The following TENM1 variants were observed in gnomAD, a reference collection of about 807,000 sequenced individuals.
The protein encoded by TENM1 is teneurin transmembrane protein 1, also known as teneurin-1.
A neutral mutation model predicts 174.8 loss-of-function variants in TENM1; 35 were observed. The ratio of observed to expected loss-of-function variants is 0.20; its 90% CI spans 0.15 to 0.27. The LOEUF is 0.27. TENM1 is among the 10% of genes least tolerant of loss of function. TENM1 has a pLI of 1.00. For missense variants in TENM1, 1,633 were observed against 2,130.1 expected, an observed-to-expected ratio of 0.77 and a Z score of 4.59; for synonymous variants, 781 against 798.7, an observed-to-expected ratio of 0.98 and a Z score of 0.37.
At chrX:124,606,345 T>C in intron 11 of TENM1, among the ~76,000 whole-genome samples, 1 of 111,701 alleles carries the variant, frequency 9.0e-6, no homozygotes, top group Middle Eastern at 4.6e-3. Flanking sequence ...CCTCATAATC[T>C]TAATCCTTTC....
At chrX:125,003,057 C>T in the TENM1 span, among the ~76,000 whole-genome samples, 45 of 112,025 alleles carry the variant, frequency 4.0e-4, no homozygotes, top group African/African-American at 1.3e-3. Context: ...AAGGTTAAAA[C>T]ATGCCCTCAA....
chrX:124,993,366 A>G, the TENM1 span, among the ~76,000 whole-genome samples: 1 of 111,184 alleles, frequency 9.0e-6, no homozygotes, highest in Admixed American at 9.6e-5. Context: ...CAATTGCCGT[A>G]GTCTATATAC....
the TENM1 span, among the ~76,000 whole-genome samples, chrX:124,981,147 C>A: frequency 2.7e-5 from 3 of 111,487 alleles, no homozygotes; most frequent in South Asian, 1.1e-3. Flanking sequence ...CATAGCAGAT[C>A]AGAAAAATAT....
chrX:124,851,886 AAC>A (rs901031407), intron 3 of TENM1, among the ~76,000 whole-genome samples: 3 of 111,367 alleles, frequency 2.7e-5, no homozygotes, highest in African/African-American at 9.8e-5. Flanking sequence ...AAGTTTTTGA[AAC>A]ACAATGTAAA....
At chrX:124,593,207 G>T (rs994478842) in intron 11 of TENM1, among the ~76,000 whole-genome samples, 9 of 111,654 alleles carry the variant, frequency 8.1e-5, no homozygotes, top group African/African-American at 1.3e-4. Flanking sequence ...AATGCCTGGA[G>T]ATCTCCCTGG....
chrX:124,576,200 C>G (rs2148200220), intron 11 of TENM1, among the ~76,000 whole-genome samples: 1 of 110,245 alleles, frequency 9.1e-6, no homozygotes, highest in East Asian at 2.8e-4. Context: ...GCTAAGACTA[C>G]AGGTACACAC....
At chrX:124,781,788 C>T (rs2054918263) in intron 3 of TENM1, among the ~76,000 whole-genome samples, 1 of 111,054 alleles carries the variant, frequency 9.0e-6, no homozygotes, top group Admixed American at 9.6e-5. Flanking sequence ...TATCTGCTCT[C>T]CTGCTTTTAG....
the TENM1 span, among the ~76,000 whole-genome samples, chrX:125,158,097 C>G: frequency 9.0e-6 from 1 of 110,712 alleles, no homozygotes; most frequent in African/African-American, 3.3e-5. Flanking sequence ...AGGTAATAAA[C>G]AAATATATAT....
chrX:124,471,239 A>T lies in TENM1; in HGVS notation c.3949+10493T>A, dbSNP rs867016079. ...TATTATAATATATAGTACTATATAT[A>T]ATATATAATAATATATATTATAATA... On this transcript the variant is annotated intron_variant, in intron 22 of 31. Coordinates refer to ENST00000422452, the Ensembl canonical transcript of TENM1. 2.2e-3 allele frequency among the ~76,000 whole-genome samples: 139 copies of T among 63,862 alleles called. 1 individual carries two copies. Among genetic ancestry groups the T allele is most frequent in the African/African-American group, 5.5e-3 (79 of 14,237 alleles). The allele number at this position is 63,862 out of a possible 115,157, so 55.5% of individuals were successfully genotyped here. A position where few individuals can be genotyped will look rare whatever the true frequency, so the allele number is the denominator to read the frequency against.
At chrX:124,455,553 T>G (rs912106120) in intron 22 of TENM1, among the ~76,000 whole-genome samples, 2 of 111,390 alleles carry the variant, frequency 1.8e-5, no homozygotes, top group Admixed American at 1.9e-4. Context: ...CATAAAGGGA[T>G]AGACTGAAAG....
intron 3 of TENM1, among the ~76,000 whole-genome samples, chrX:124,750,517 T>C (rs1180777197): frequency 8.9e-6 from 1 of 112,107 alleles, no homozygotes; most frequent in African/African-American, 3.2e-5. Flanking sequence ...TAGTCTCTCT[T>C]ATTTTACATT....
rs1378480607 is a variant in TENM1, at chrX:124,809,068, C to T, written c.536-71871G>A. Among the ~76,000 whole-genome samples, 3 of 110,548 alleles carry T rather than the reference C, an allele frequency of 2.7e-5. No homozygotes were observed. The Admixed American group carries it at 2.9e-4, about 11-fold the overall frequency. On this transcript the variant is annotated intron_variant, in intron 3 of 31. Transcript: ENST00000422452. ...TTTTTAAAAGATAAAATCAACGAAC[C>T]TTTAGCTAGACTGAGAGAAGACTCA...
At chrX:124,495,693 C>T (rs1871485675) in intron 20 of TENM1, among the ~76,000 whole-genome samples, 1 of 106,380 alleles carries the variant, frequency 9.4e-6, no homozygotes, top group African/African-American at 3.5e-5. Context: ...AGGAGAACTA[C>T]AAACCACTGC....
chrX:124,541,299 G>A, intron 15 of TENM1, among the ~76,000 whole-genome samples: 1 of 112,206 alleles, frequency 8.9e-6, no homozygotes, highest in African/African-American at 3.2e-5. Context: ...TGGAGATGGG[G>A]CCTGGTTAGA....
chrX:124,567,563 T>C (rs2048969088), intron 11 of TENM1, among the ~76,000 whole-genome samples: 1 of 111,456 alleles, frequency 9.0e-6, no homozygotes, highest in Non-Finnish European at 1.9e-5. Context: ...CTGATAAAGG[T>C]GTAGTTGAAA....
intron 11 of TENM1, among the ~76,000 whole-genome samples, chrX:124,586,387 G>C (rs1478645662): frequency 9.4e-6 from 1 of 106,300 alleles, no homozygotes; most frequent in Non-Finnish European, 1.9e-5. Flanking sequence ...TTCAATATAC[G>C]CAAATCAAGA....
chrX:124,383,712 G>A, exon 30 of TENM1: 2 of 1,209,268 alleles, frequency 1.7e-6, no homozygotes, highest in East Asian at 3.0e-5. Context: ...AATGGTTTAG[G>A]AAGGAGGTTC....
Position 124,405,299 on chromosome X carries a change from G to T in TENM1, c.5156-33C>A, listed in dbSNP as rs1173231282. ...CAGAAGAGCAAAGGAGGAAGAGGGG[G>T]AAGGAAGGGAAGAGCAGGAAGCAGA... On this transcript the variant is annotated intron_variant, in intron 26 of 31. Coordinates refer to ENST00000422452, the Ensembl canonical transcript of TENM1. 4.5e-6 allele frequency: 5 copies of T among 1,101,007 alleles called. No individual in the cohort carries two copies. In the East Asian group the frequency reaches 1.5e-4, roughly 33 times the overall value. The allele number at this position is 1,101,007 out of a possible 1,213,427, so 90.7% of individuals were successfully genotyped here.
chrX:124,556,988 T>A (rs748388670), intron 14 of TENM1, among the ~76,000 whole-genome samples: 1 of 111,948 alleles, frequency 8.9e-6, no homozygotes, highest in South Asian at 3.7e-4. Context: ...TTCTCTCCAG[T>A]GTCAAGCACA....
Sources: allele counts gnomAD v4.1 joint callset (sites outside exome capture counted in the v4.1 genomes callset), GRCh38; gene constraint gnomAD v4.1.1; transcripts MANE v1.5; gene names NCBI Gene and HGNC (gene_info 2026-07-23, HGNC 2026-07-21).